GSE1: variants seen among roughly 807,000 people sequenced by gnomAD.
GSE1 encodes genetic suppressor element 1.
A neutral mutation model predicts 112.6 loss-of-function variants in GSE1; 32 were observed. The observed-to-expected ratio is 0.28, with a 90% CI of 0.21 to 0.38. GSE1 has a LOEUF of 0.38. Among genes scored for constraint, GSE1 ranks in the 10% least tolerant of loss-of-function variants. The pLI is 1.00. For synonymous variants in GSE1, 1,115 were observed against 735.6 expected (o/e 1.52, Z -8.35); for missense variants, 2,348 against 1,699.2 (o/e 1.38, Z -6.71).
intron 2 of GSE1, among the ~76,000 whole-genome samples, chr16:85,438,402 G>T (rs892873480): frequency 6.6e-6 from 1 of 152,204 alleles, no homozygotes; most frequent in Non-Finnish European, 1.5e-5. Flanking sequence ...TCTGTTCTTG[G>T]TACCCGCGCC....
intron 1 of GSE1, among the ~76,000 whole-genome samples, chr16:85,312,307 A>T (rs1257489161): frequency 1.3e-5 from 2 of 151,468 alleles, no homozygotes; most frequent in Non-Finnish European, 2.9e-5. Context: ...AACAGCAGAA[A>T]CTCACTTTTT....
chr16:85,561,922 C>A (rs759669018), intron 1 of GSE1, among the ~76,000 whole-genome samples: 1 of 152,298 alleles, frequency 6.6e-6, no homozygotes, highest in Admixed American at 6.5e-5. Flanking sequence ...GGGGTGGTGT[C>A]TGGAGGTGAG....
rs2046975793 is a variant in GSE1 at position 85,357,583 on chromosome 16, A to T, written c.2404A>T (p.Arg802Trp). The T allele has an allele frequency of 3.1e-6, 4 of 1,288,576 alleles. No homozygotes were observed. The African/African-American group carries it at 6.1e-5, about 20-fold the overall frequency. 79.8% of individuals were successfully genotyped at this position (1,288,576 alleles called of 1,614,324 possible). A position where few individuals can be genotyped will look rare whatever the true frequency, so the allele number is the denominator to read the frequency against. ...AGGCCCCAGGATGGCCCAGGAGCTG[A>T]GGCCAGCACAGTGTCTGCAGAGCAG... Residue 802 changes from arginine (R) to tryptophan (W), a missense_variant, in exon 2 of 3, where the codon AGG becomes TGG. Physicochemically the swap from Arg to Trp is moderately radical, Grantham distance 101. Coordinates refer to the GSE1 transcript ENST00000637419.
intron 1 of GSE1, among the ~76,000 whole-genome samples, chr16:85,598,250 A>C (rs917168666): frequency 2.4e-4 from 32 of 133,510 alleles, no homozygotes; most frequent in Non-Finnish European, 4.7e-4. Context: ...GGTTCTTTGC[A>C]GCTGGCTCCT....
At chr16:85,671,275 C>T (rs921143656) in intron 15 of GSE1, among the ~76,000 whole-genome samples, 177 bp downstream of exon 15, 2 of 151,640 alleles carry the variant, frequency 1.3e-5, no homozygotes, top group African/African-American at 4.8e-5. Flanking sequence ...CCTGTCTCTA[C>T]TAAAAATACA....
Position 85,661,318 on chromosome 16 carries a change from C to T in GSE1, c.1813C>T (p.Leu605=). The T allele has an allele frequency of 6.2e-7, 1 of 1,612,680 alleles. No homozygotes were observed. The change falls in exon 9 of 16, where the codon CTG becomes TTG. Residue 605 remains leucine (L), a synonymous_variant. Transcript: ENST00000253458. The part of the protein sequence containing the change: ...LETRRAESHS[L]HSHPAAFEPS... ...GACGCGGCGGGCCGAAAGCCACTCT[C>T]TGCACAGCCACCCGGCTGCATTTGA...
At chr16:85,411,053 G>C (rs544918979) in intron 2 of GSE1, among the ~76,000 whole-genome samples, 1 of 95,686 alleles carries the variant, frequency 1.0e-5, no homozygotes, top group Non-Finnish European at 1.9e-5. Context: ...CAGGCCACCC[G>C]GATAATCCTC....
chr16:85,552,485 C>T (rs915966579), upstream of GSE1, among the ~76,000 whole-genome samples: 13 of 127,582 alleles, frequency 1.0e-4, 2 homozygotes, highest in Admixed American at 8.5e-4. Context: ...GCGCCCGTCA[C>T]CACGCCCGGC....
chr16:85,392,802 C>T (rs1352818100), intron 2 of GSE1, among the ~76,000 whole-genome samples: 1 of 152,204 alleles, frequency 6.6e-6, no homozygotes, highest in Non-Finnish European at 1.5e-5. Flanking sequence ...GGGAGCGTTG[C>T]CTCAGTGAAG....
intron 3 of GSE1, among the ~76,000 whole-genome samples, chr16:85,652,948 T>G (rs1161057003): frequency 6.6e-6 from 1 of 151,714 alleles, no homozygotes; most frequent in Non-Finnish European, 1.5e-5. Flanking sequence ...CATGGCCAGA[T>G]GGAACGTGAG....
chr16:85,474,428 G>C (rs950022054), intron 2 of GSE1, among the ~76,000 whole-genome samples: 4 of 152,116 alleles, frequency 2.6e-5, no homozygotes, highest in Admixed American at 2.6e-4. Flanking sequence ...GAGGCGGGTG[G>C]GGGACCTCGG....
rs144733110 is a variant in GSE1 at position 85,645,981 on chromosome 16, A to C, written c.227-2571A>C. Among the ~76,000 whole-genome samples the C allele has an allele frequency of 3.1e-4, 45 of 147,218 alleles. No homozygotes were observed. The East Asian group carries it at 6.3e-3, about 20-fold the overall frequency. Reference sequence around the variant, plus strand: ...TCTACCACGCATTCTACCTGCTTCTACCACGCTTCCTATGCATGCATTCTA... The same window carrying C: ...TCTACCACGCATTCTACCTGCTTCTCCCACGCTTCCTATGCATGCATTCTA... On this transcript the variant is annotated intron_variant, in intron 2 of 15. Coordinates refer to ENST00000253458, the MANE Select transcript of GSE1 (RefSeq NM_014615.5).
At chr16:85,186,932 G>T (rs1380937741) in intron 1 of GSE1, among the ~76,000 whole-genome samples, 1 of 152,232 alleles carries the variant, frequency 6.6e-6, no homozygotes, top group Non-Finnish European at 1.5e-5. Context: ...CCTCTGACGG[G>T]TGTACCAGGG....
Position 85,478,945 on chromosome 16 carries a change from C to T in GSE1, c.2464+121302C>T, listed in dbSNP as rs868707094. 8.9e-4 allele frequency among the ~76,000 whole-genome samples: 75 copies of T among 84,708 alleles called. 1 individual carries two copies. The highest frequency in any genetic ancestry group is 2.4e-3 in the East Asian group (7 of 2,884). 55.6% of individuals were successfully genotyped at this position (84,708 alleles called of 152,430 possible). A position where few individuals can be genotyped will look rare whatever the true frequency, so the allele number is the denominator to read the frequency against. ...TTTCTTTCTCTTTCTTTCTTTCTTTCTTTTTTTTTCTTTCTTTCTTTCCTT... is the reference window on the plus strand; with the variant it reads ...TTTCTTTCTCTTTCTTTCTTTCTTTTTTTTTTTTTCTTTCTTTCTTTCCTT... On this transcript the variant is annotated intron_variant, in intron 2 of 2. Transcript: ENST00000637419.
upstream of GSE1, among the ~76,000 whole-genome samples, chr16:85,609,488 T>G (rs1447364522): frequency 6.6e-6 from 1 of 152,122 alleles, no homozygotes; most frequent in Non-Finnish European, 1.5e-5. Flanking sequence ...CAGCCCAGGG[T>G]TTAGTGTGTT....
At chr16:85,429,606 C>T (rs1241134166) in intron 2 of GSE1, among the ~76,000 whole-genome samples, 1 of 152,226 alleles carries the variant, frequency 6.6e-6, no homozygotes, top group Non-Finnish European at 1.5e-5. Context: ...CCATGGCCCC[C>T]AGCATCTCCT....
At chr16:85,669,070 C>A (rs2053116781) in intron 14 of GSE1, among the ~76,000 whole-genome samples, 1 of 152,258 alleles carries the variant, frequency 6.6e-6, no homozygotes, top group Non-Finnish European at 1.5e-5. Flanking sequence ...GGAGTGGGGC[C>A]ACGAAGTTGG....
At position 85,233,109 on chromosome 16, in the gene GSE1, C is replaced by T. The variant is rs547746225; in HGVS notation, c.2283+61302C>T. The stretch of plus-strand genomic sequence containing the variant: ...ACAGGCCCCCCAGCTGGGCCTTGTC[C>T]TCTTGAATGAAATGCAGAGGCAGCT... On this transcript the variant is annotated intron_variant, in intron 1 of 2. Transcript: ENST00000637419. Among the ~76,000 whole-genome samples the T allele has an allele frequency of 3.3e-5, 5 of 152,388 alleles. No individual in the cohort carries two copies. In the East Asian group the frequency reaches 9.6e-4, roughly 29 times the overall value.
At chr16:85,261,238 C>T (rs888859872) in intron 1 of GSE1, among the ~76,000 whole-genome samples, 3 of 152,222 alleles carry the variant, frequency 2.0e-5, no homozygotes, top group African/African-American at 7.2e-5. Flanking sequence ...TCGCTTTGGC[C>T]CTAACCATAC....
Sources: gnomAD v4.1 joint callset for allele counts (sites outside exome capture counted in the v4.1 genomes callset) on GRCh38, gnomAD v4.1.1 for gene constraint, MANE v1.5 for transcripts, NCBI Gene and HGNC (gene_info 2026-07-23, HGNC 2026-07-21) for gene names.